Variants in SYNPO2 observed in about 807,000 individuals in gnomAD.
The protein encoded by SYNPO2 is synaptopodin 2, also known as synaptopodin-2.
A neutral mutation model predicts 85.0 loss-of-function variants in SYNPO2; 56 were observed. The ratio of observed to expected loss-of-function variants is 0.66; its 90% CI spans 0.53 to 0.82. The LOEUF (loss-of-function observed/expected upper bound fraction) is 0.82, where lower values mean the gene tolerates loss of function less well. Ranked by LOEUF, SYNPO2 falls within the 40% of genes least tolerant of loss-of-function variation. SYNPO2 has a pLI of 0.00. For missense variants in SYNPO2, 1,575 were observed against 1,534.2 expected (o/e 1.03, Z -0.44); for synonymous variants, 602 against 591.1 (o/e 1.02, Z -0.27).
chr4:118,976,491 A>AG (rs1735746434), intron 1 of SYNPO2, among the ~76,000 whole-genome samples: 1 of 152,176 alleles, frequency 6.6e-6, no homozygotes, highest in Non-Finnish European at 1.5e-5. Flanking sequence ...AATGCTGGCT[A>AG]GGGCAGCCTG....
intron 1 of SYNPO2, among the ~76,000 whole-genome samples, chr4:119,002,673 C>G (rs1736866840): frequency 2.6e-5 from 4 of 152,166 alleles, no homozygotes. Context: ...GGGGATTTCT[C>G]TTTTCTCTCT....
chr4:119,031,037 G>A lies in SYNPO2; in HGVS notation c.2262G>A (p.Lys754=), dbSNP rs779756923. ...TGCAAAGCTCCTCTGCCAAACAAAA[G>A]ACCCCTCCTCCTGTTGCTCCAAAAC... ...NFMQSSSAKQ[K]TPPPVAPKPA... The change falls in exon 4 of 5, where the codon AAG becomes AAA. Residue 754 remains lysine (K), a synonymous_variant. Coordinates refer to ENST00000307142, the MANE Select transcript of SYNPO2 (RefSeq NM_133477.3). 2 of 1,614,030 alleles carry A rather than the reference G, an allele frequency of 1.2e-6. No individual in the cohort carries two copies. Among genetic ancestry groups the A allele is most frequent in the East Asian group, 4.5e-5 (2 of 44,870 alleles).
intron 1 of SYNPO2, among the ~76,000 whole-genome samples, chr4:118,941,013 A>G (rs1186194163): frequency 6.6e-6 from 1 of 152,100 alleles, no homozygotes; most frequent in Non-Finnish European, 1.5e-5. Context: ...CGTAATTTGT[A>G]AATGTTCCAC....
chr4:118,939,422 T>C (rs546731522), intron 1 of SYNPO2, among the ~76,000 whole-genome samples: 40 of 152,226 alleles, frequency 2.6e-4, no homozygotes, highest in Non-Finnish European at 5.1e-4. Context: ...GGCATCTTCC[T>C]AAATTCTTGC....
chr4:119,027,623 A>G (rs559349930), intron 3 of SYNPO2, among the ~76,000 whole-genome samples, 185 bp downstream of exon 3: 3 of 152,356 alleles, frequency 2.0e-5, no homozygotes, highest in Non-Finnish European at 4.4e-5. Flanking sequence ...ATAGGAAGCA[A>G]TAAGTCCGAA....
chr4:119,030,357 G>A lies in SYNPO2; in HGVS notation c.1582G>A (p.Asp528Asn). 6.2e-7 allele frequency: 1 copy of A among 1,614,094 alleles called. No homozygotes were observed. Among genetic ancestry groups the A allele is most frequent in the South Asian group, 1.1e-5 (1 of 91,086 alleles). The change falls in exon 4 of 5, where the codon GAT becomes AAT. Residue 528 changes from aspartate to asparagine, a missense_variant. Around this residue, in one of 3 missense-constraint regions of SYNPO2, gnomAD observed 1,508 missense variants for 1,446.8 expected, o/e 1.04. Transcript: ENST00000307142. ...CAGAGAACAAGATGCTGCCCAGACC[G>A]ATGGCCTGAGAACCACGACTTCTTA... is the stretch of plus-strand genomic sequence containing the variant. ...PSREQDAAQTDGLRTTTSYQR... is the reference protein window; with the variant it reads ...PSREQDAAQTNGLRTTTSYQR...
Position 119,057,550 on chromosome 4 carries a change from A to G in SYNPO2, c.3402A>G (p.Ala1134=), listed in dbSNP as rs778122808. 1 of 1,614,134 alleles carries G rather than the reference A, an allele frequency of 6.2e-7. No homozygotes were observed. Among genetic ancestry groups the G allele is most frequent in the Non-Finnish European group, 8.5e-7 (1 of 1,180,032 alleles). Residue 1134 remains alanine, a synonymous_variant, in exon 5 of 5, where the codon GCA becomes GCG. Transcript: ENST00000307142. The part of the protein sequence containing the change: ...KANKRPTPWE[A]AAKSPLGLVD... ...ACAAGAGACCAACTCCTTGGGAAGC[A>G]GCAGCAAAGTCTCCTCTCGGTCTAG...
chr4:119,003,783 GGCAAA>G (rs1403757783), intron 1 of SYNPO2, among the ~76,000 whole-genome samples: 1 of 152,094 alleles, frequency 6.6e-6, no homozygotes, highest in Non-Finnish European at 1.5e-5. Flanking sequence ...GCTGTTTCTT[GGCAAA>G]GTCCTAATAT....
chr4:118,992,707 A>G (rs1736457946), intron 1 of SYNPO2, among the ~76,000 whole-genome samples: 2 of 152,048 alleles, frequency 1.3e-5, no homozygotes, highest in Non-Finnish European at 2.9e-5. Flanking sequence ...TCACCCACCA[A>G]CAACCTCATA....
At chr4:118,947,776 G>A (rs1203376018) in intron 1 of SYNPO2, among the ~76,000 whole-genome samples, 2 of 152,194 alleles carry the variant, frequency 1.3e-5, no homozygotes, top group Non-Finnish European at 2.9e-5. Flanking sequence ...CACTGTGTGT[G>A]TGTGTTTGTG....
chr4:118,879,030 T>G (rs1731999508), intron 1 of SYNPO2, among the ~76,000 whole-genome samples: 1 of 152,060 alleles, frequency 6.6e-6, no homozygotes, highest in African/African-American at 2.4e-5. Context: ...CAGGGAGGAA[T>G]GAACAACTCC....
At chr4:118,914,292 G>A (rs987571108) in intron 1 of SYNPO2, among the ~76,000 whole-genome samples, 4 of 152,164 alleles carry the variant, frequency 2.6e-5, no homozygotes, top group Non-Finnish European at 5.9e-5. Flanking sequence ...ATCAGTCTGG[G>A]TTCAGGAGAA....
intron 1 of SYNPO2, among the ~76,000 whole-genome samples, chr4:119,023,136 A>AT (rs1414157727): frequency 1.3e-5 from 2 of 152,096 alleles, no homozygotes; most frequent in African/African-American, 4.8e-5. Flanking sequence ...ACTCTTCTCT[A>AT]TTTTTTATTT....
intron 1 of SYNPO2, among the ~76,000 whole-genome samples, chr4:118,852,386 TATA>T (rs1306034362): frequency 6.6e-6 from 1 of 152,176 alleles, no homozygotes; most frequent in Non-Finnish European, 1.5e-5. Context: ...TACAAAGGAA[TATA>T]AATCATTCTA....
intron 1 of SYNPO2, among the ~76,000 whole-genome samples, chr4:118,947,186 C>T (rs969581974): frequency 6.6e-6 from 1 of 152,200 alleles, no homozygotes; most frequent in Non-Finnish European, 1.5e-5. Flanking sequence ...TCATGATACA[C>T]TTCTCTGTCA....
chr4:118,861,313 C>T (rs865946772), intron 1 of SYNPO2, among the ~76,000 whole-genome samples: 15 of 152,032 alleles, frequency 9.9e-5, no homozygotes, highest in Non-Finnish European at 1.6e-4. Context: ...CCACCACACC[C>T]GGCTAATTTT....
intron 1 of SYNPO2, among the ~76,000 whole-genome samples, chr4:118,882,175 G>A (rs1315523180): frequency 6.6e-6 from 1 of 152,044 alleles, no homozygotes; most frequent in South Asian, 2.1e-4. Flanking sequence ...TTATTGGGGG[G>A]AAGTAAAATG....
At chr4:118,925,694 G>A (rs932799362) in intron 1 of SYNPO2, among the ~76,000 whole-genome samples, 3 of 152,096 alleles carry the variant, frequency 2.0e-5, no homozygotes, top group Non-Finnish European at 4.4e-5. Context: ...AAATCAGCGG[G>A]TCAGTTTAAT....
At chr4:119,001,394 A>G in intron 1 of SYNPO2, among the ~76,000 whole-genome samples, 1 of 152,204 alleles carries the variant, frequency 6.6e-6, no homozygotes, top group East Asian at 1.9e-4. Context: ...GCACTTTAAT[A>G]TTGTCCTTAA....
Sources: allele counts gnomAD v4.1 joint callset (sites outside exome capture counted in the v4.1 genomes callset), GRCh38; gene constraint gnomAD v4.1.1; regional missense constraint gnomAD v4.1.1; transcripts MANE v1.5; gene names NCBI Gene and HGNC (gene_info 2026-07-23, HGNC 2026-07-21).